DVL1: variants seen among roughly 807,000 people sequenced by gnomAD.
The protein encoded by DVL1 is dishevelled segment polarity protein 1.
A neutral mutation model predicts 65.0 loss-of-function variants in DVL1; 49 were observed. The ratio of observed to expected loss-of-function variants is 0.75; its 90% CI spans 0.60 to 0.96. The LOEUF is 0.96. Among genes scored for constraint, DVL1 ranks in the 40% least tolerant of loss-of-function variants. DVL1 has a pLI of 0.00. For missense variants in DVL1, 1,197 were observed against 1,045.4 expected (o/e 1.15, Z -2.00); for synonymous variants, 608 against 433.9 (o/e 1.40, Z -4.99).
Position 1,338,603 on chromosome 1 carries a change from G to A in DVL1, c.1258C>T (p.Arg420Trp), listed in dbSNP as rs372788630. ...TVKSDMSAVV[R>W]VMQLPDSGLE... ...CCCGAGTCTGGCAGCTGCATGACCC[G>A]GACGACGGCGCTCATGTCACTCTTC... is the stretch of plus-strand genomic sequence containing the variant. Residue 420 changes from arginine (R) to tryptophan (W), a missense_variant, in exon 12 of 15, where the codon CGG becomes TGG. By Grantham distance (101) the Arg-to-Trp change is moderately radical. Transcript: ENST00000378888. The A allele has an allele frequency of 6.8e-6, 11 of 1,612,018 alleles. No homozygotes were observed. Among genetic ancestry groups the A allele is most frequent in the African/African-American group, 6.7e-5 (5 of 74,928 alleles).
At chr1:1,348,851 C>T in intron 1 of DVL1, 45 bp downstream of exon 1, 1 of 1,458,762 alleles carries the variant, frequency 6.9e-7, no homozygotes, top group South Asian at 1.3e-5. Context: ...CAGGTGCGAC[C>T]CCCGAGCCCG....
Position 1,338,049 on chromosome 1 carries a change from A to T in DVL1, c.1642T>A (p.Cys548Ser), listed in dbSNP as rs1351448939. The T allele has an allele frequency of 6.2e-7, 1 of 1,611,442 alleles. No homozygotes were observed. Among genetic ancestry groups the T allele is most frequent in the East Asian group, 2.2e-5 (1 of 44,858 alleles). The change falls in exon 14 of 15, where the codon TGC (cysteine) becomes AGC (serine). Residue 548 changes from cysteine to serine, a missense_variant. Transcript: ENST00000378888. Reference protein sequence around the residue: ...YPYQYPGPPPCFPPAYQDPGF... With the variant: ...YPYQYPGPPPSFPPAYQDPGF... ...GGGTCCTGGTAGGCAGGCGGGAAGC[A>T]GGGTGGGGGTCCCGGGTACTGGTAG...
In DVL1 at chr1:1,349,154, C is replaced by T; in HGVS notation, c.-89G>A. The T allele has an allele frequency of 3.7e-6, 3 of 811,962 alleles. No individual in the cohort carries two copies. Among genetic ancestry groups the T allele is most frequent in the Non-Finnish European group, 4.4e-6 (3 of 674,274 alleles). 50.3% of individuals were successfully genotyped at this position (811,962 alleles called of 1,614,324 possible). Reference sequence around the variant, plus strand: ...TACCCGCCCGCCCGCCTGCGCCCCGCCCGGCCCGCACCGCTCTCGGCCCCG... The same window carrying T: ...TACCCGCCCGCCCGCCTGCGCCCCGTCCGGCCCGCACCGCTCTCGGCCCCG... On this transcript the variant is annotated 5_prime_UTR_variant, in exon 1 of 15. Transcript: ENST00000378888. The surrounding 1 kb of genome is among the most constrained non-coding windows in gnomAD (Gnocchi z 4.1).
At chr1:1,336,962 G>C in intron 14 of DVL1, 3 of 982,378 alleles carry the variant, frequency 3.1e-6, no homozygotes, top group Non-Finnish European at 3.6e-6. Flanking sequence ...GTGGGAGCTG[G>C]AGGGCGTGGC....
chr1:1,349,181 C>T lies in DVL1; in HGVS notation c.-116G>A. 1 of 602,274 alleles carries T rather than the reference C, an allele frequency of 1.7e-6. No homozygotes were observed. The highest frequency in any genetic ancestry group is 2.1e-6 in the Non-Finnish European group (1 of 483,646). 37.3% of individuals were successfully genotyped at this position (602,274 alleles called of 1,614,324 possible). ...CGGCCCGCACCGCTCTCGGCCCCGA[C>T]GCTCCGAGGCCCCCGGGCGCCCCCG... On this transcript the variant is annotated 5_prime_UTR_variant, in exon 1 of 15. Coordinates refer to ENST00000378888, the MANE Select transcript of DVL1 (RefSeq NM_001330311.2). This position sits in a 1 kb window ranked among gnomAD's most constrained non-coding sequence, Gnocchi z 4.1.
intron 2 of DVL1, 67 bp downstream of exon 2, chr1:1,342,622 C>T (rs1643866745): frequency 1.3e-6 from 2 of 1,596,754 alleles, no homozygotes; most frequent in Admixed American, 1.7e-5. Context: ...CACCGCCTCC[C>T]CCAGGAAGAG....
In DVL1 at chr1:1,339,276, C is replaced by G. The variant is rs1260261839; in HGVS notation, c.1207+11G>C. 1.3e-6 allele frequency: 2 copies of G among 1,548,290 alleles called. No homozygotes were observed. The highest frequency in any genetic ancestry group is 2.4e-5 in the East Asian group (1 of 40,922). On this transcript the variant is annotated intron_variant, in intron 11 of 14. Transcript: ENST00000378888. ...CGGTTTCTGCTGGGGCCCTCAGGAG[C>G]TGCCACTTACGTGGAGCACCAGGCA...
At chr1:1,344,804 G>A (rs186053612) in intron 1 of DVL1, among the ~76,000 whole-genome samples, 80 of 152,278 alleles carry the variant, frequency 5.3e-4, no homozygotes, top group Middle Eastern at 3.4e-3. Context: ...GCCGCCAGGG[G>A]GCCAGGGCCC....
chr1:1,343,365 T>C (rs919172884), intron 1 of DVL1, among the ~76,000 whole-genome samples: 10 of 151,648 alleles, frequency 6.6e-5, no homozygotes, highest in Non-Finnish European at 1.2e-4. Flanking sequence ...CCCAGGCTAT[T>C]CCCTGTCCCT....
At chr1:1,340,708 C>T (rs1229287432) in intron 5 of DVL1, among the ~76,000 whole-genome samples, 2 of 152,152 alleles carry the variant, frequency 1.3e-5, no homozygotes, top group African/African-American at 4.8e-5. Flanking sequence ...GCAAACTGGG[C>T]ACAGACACAT....
In DVL1 at chr1:1,338,141, G is replaced by A. The variant is rs761596141; in HGVS notation, c.1550C>T (p.Ser517Leu). Residue 517 changes from serine to leucine, a missense_variant, in exon 14 of 15, where the codon TCG becomes TTG. Physicochemically the swap from Ser to Leu is moderately radical, Grantham distance 145 (BLOSUM62 -2). Coordinates refer to ENST00000378888, the MANE Select transcript of DVL1 (RefSeq NM_001330311.2). Reference sequence around the variant, plus strand: ...CAGCGGGGCCAGCGTGTCCTGATCCGAAGTCCCACTGGAGCCACTGTTGAG... The same window carrying A: ...CAGCGGGGCCAGCGTGTCCTGATCCAAAGTCCCACTGGAGCCACTGTTGAG... ...LNLNSGSSGTSDQDTLAPLPH... is the reference protein window; with the variant it reads ...LNLNSGSSGTLDQDTLAPLPH... 14 of 1,609,114 alleles carry A rather than the reference G, an allele frequency of 8.7e-6. No homozygotes were observed. Among genetic ancestry groups the A allele is most frequent in the Admixed American group, 8.4e-5 (5 of 59,654 alleles).
In DVL1 at chr1:1,340,452, G is replaced by C; in HGVS notation, c.657C>G (p.His219Gln). ...QSTSSRLIRK[H>Q]KRRRRKQRLR... ...GGCGCTGCTTCCTCCGCCGGCGTTT[G>C]TGCTTCCGGATGAGTCTGGATGAGG... is the stretch of plus-strand genomic sequence containing the variant. The change falls in exon 6 of 15, where the codon CAC becomes CAG. Residue 219 changes from histidine (H) to glutamine (Q), a missense_variant. His to Gln is a conservative substitution (Grantham distance 24). Transcript: ENST00000378888. 10 of 1,612,042 alleles carry C rather than the reference G, an allele frequency of 6.2e-6. No homozygotes were observed. Among genetic ancestry groups the C allele is most frequent in the East Asian group, 2.2e-5 (1 of 44,826 alleles).
chr1:1,349,210 G>T lies in DVL1; in HGVS notation c.-145C>A. The T allele has an allele frequency of 2.8e-6, 1 of 352,464 alleles. No individual in the cohort carries two copies. The highest frequency in any genetic ancestry group is 3.9e-6 in the Non-Finnish European group (1 of 256,242). 21.8% of individuals were successfully genotyped at this position (352,464 alleles called of 1,614,324 possible). A position where few individuals can be genotyped will look rare whatever the true frequency, so the allele number is the denominator to read the frequency against. The stretch of plus-strand genomic sequence containing the variant: ...CCGAGGCCCCCGGGCGCCCCCGCCC[G>T]ACCGCCCAGGCCCCGGCCGCCGCCC... On this transcript the variant is annotated 5_prime_UTR_variant, in exon 1 of 15. It introduces an in-frame stop codon into an upstream open reading frame of the 5' UTR. Coordinates refer to ENST00000378888, the MANE Select transcript of DVL1 (RefSeq NM_001330311.2). This position sits in a 1 kb window ranked among gnomAD's most constrained non-coding sequence, Gnocchi z 4.1.
At chr1:1,348,376 G>A (rs541914299) in intron 1 of DVL1, among the ~76,000 whole-genome samples, 1 of 152,342 alleles carries the variant, frequency 6.6e-6, no homozygotes, top group South Asian at 2.1e-4. Context: ...AAGTTTCATG[G>A]TCACCAGTGG....
At chr1:1,337,932 C>A in intron 14 of DVL1, 45 bp downstream of exon 14, 3 of 1,514,368 alleles carry the variant, frequency 2.0e-6, no homozygotes, top group Non-Finnish European at 2.7e-6. Flanking sequence ...TGGGGCGGAG[C>A]TGGGGGCGGA....
intron 5 of DVL1, 33 bp downstream of exon 5, chr1:1,341,634 C>A (rs748831263): frequency 6.4e-7 from 1 of 1,570,842 alleles, no homozygotes; most frequent in Non-Finnish European, 8.7e-7. Flanking sequence ...AGTGGGCACA[C>A]AGGCATACAC....
chr1:1,347,381 G>A (rs1400833445), intron 1 of DVL1, among the ~76,000 whole-genome samples: 1 of 152,196 alleles, frequency 6.6e-6, no homozygotes, highest in Non-Finnish European at 1.5e-5. Flanking sequence ...AATGTGCCCA[G>A]CAGGTGCAGC....
intron 1 of DVL1, among the ~76,000 whole-genome samples, chr1:1,342,962 T>C (rs1429939404): frequency 6.6e-6 from 1 of 151,770 alleles, no homozygotes; most frequent in Non-Finnish European, 1.5e-5. Context: ...CCAGTCACTC[T>C]GCGGACACCC....
chr1:1,340,623 C>T lies in DVL1; in HGVS notation c.606-120G>A, dbSNP rs1224311024. 3 of 1,087,472 alleles carry T rather than the reference C, an allele frequency of 2.8e-6. No homozygotes were observed. The East Asian group carries it at 7.8e-5, about 28-fold the overall frequency. The allele number at this position is 1,087,472 out of a possible 1,614,324, so 67.4% of individuals were successfully genotyped here. A position where few individuals can be genotyped will look rare whatever the true frequency, so the allele number is the denominator to read the frequency against. On this transcript the variant is annotated intron_variant, in intron 5 of 14. Coordinates refer to ENST00000378888, the MANE Select transcript of DVL1 (RefSeq NM_001330311.2). ...GGCCAGGCTTGTTCCAAAGCAGGCT[C>T]AGTGCCTGACGTCCACGCCCCAGGC...
Sources: allele counts gnomAD v4.1 joint callset (sites outside exome capture counted in the v4.1 genomes callset), GRCh38; gene constraint gnomAD v4.1.1; non-coding constraint Gnocchi (gnomAD v3.1); transcripts MANE v1.5; gene names NCBI Gene and HGNC (gene_info 2026-07-23, HGNC 2026-07-21).